Variants in ACADL observed in about 807,000 individuals in gnomAD.
The protein encoded by ACADL is acyl-CoA dehydrogenase long chain, also known as long-chain specific acyl-CoA dehydrogenase, mitochondrial.
ACADL carries 60 observed loss-of-function variants against 56.9 expected under a neutral mutation model. The observed-to-expected ratio is 1.05, with a 90% CI of 0.86 to 1.31. ACADL has a LOEUF of 1.31. ACADL is among the 50% of genes most tolerant of loss of function. The probability of loss-of-function intolerance (pLI) is 0.00; values close to 1 mark genes in which losing one functional copy is unlikely to be tolerated. For missense variants in ACADL, 484 were observed against 525.5 expected, an observed-to-expected ratio of 0.92 and a Z score of 0.77; for synonymous variants, 158 against 179.7, an observed-to-expected ratio of 0.88 and a Z score of 0.97.
chr2:210,196,266 T>C (rs902293896), intron 8 of ACADL, among the ~76,000 whole-genome samples: 3 of 145,486 alleles, frequency 2.1e-5, no homozygotes, highest in East Asian at 2.0e-4. Context: ...TAAACCTCTT[T>C]TTTTTTTTTT....
At chr2:210,189,756 T>G (rs1688602290) in intron 10 of ACADL, among the ~76,000 whole-genome samples, 1 of 152,184 alleles carries the variant, frequency 6.6e-6, no homozygotes, top group Admixed American at 6.5e-5. Context: ...CATCTCATTT[T>G]ATCCTCTCAG....
chr2:210,221,811 CT>C (rs1689179660), intron 1 of ACADL, among the ~76,000 whole-genome samples: 1 of 151,592 alleles, frequency 6.6e-6, no homozygotes, highest in African/African-American at 2.4e-5. Context: ...TCACTGCAAC[CT>C]TCGCCTTCCC....
intron 8 of ACADL, among the ~76,000 whole-genome samples, chr2:210,202,020 C>G (rs574064339): frequency 6.6e-6 from 1 of 152,262 alleles, no homozygotes; most frequent in South Asian, 2.1e-4. Flanking sequence ...CTCCCTCACC[C>G]TTCTGCAACA....
intron 8 of ACADL, 45 bp downstream of exon 8, chr2:210,203,286 A>C (rs756155423): frequency 6.0e-6 from 8 of 1,330,794 alleles, no homozygotes; most frequent in Non-Finnish European, 8.6e-6. Context: ...ATTTCAGATT[A>C]GTAAACTGAT....
At chr2:210,195,541 T>C (rs2125709412) in intron 8 of ACADL, among the ~76,000 whole-genome samples, 1 of 152,300 alleles carries the variant, frequency 6.6e-6, no homozygotes, top group East Asian at 1.9e-4. Context: ...CTAAGGAAAT[T>C]TGTACTAAAA....
intron 5 of ACADL, among the ~76,000 whole-genome samples, chr2:210,206,013 C>A (rs1688882680): frequency 6.6e-6 from 1 of 151,990 alleles, no homozygotes; most frequent in African/African-American, 2.4e-5. Context: ...AGAATGAAAC[C>A]TATAGATTTT....
At chr2:210,210,156 A>G in intron 5 of ACADL, 40 bp downstream of exon 5, 1 of 1,427,950 alleles carries the variant, frequency 7.0e-7, no homozygotes, top group African/African-American at 1.4e-5. Context: ...CCATGGCATG[A>G]CTCTGAAAAG....
intron 4 of ACADL, among the ~76,000 whole-genome samples, chr2:210,211,612 C>A (rs537664898): frequency 6.6e-6 from 1 of 152,200 alleles, no homozygotes; most frequent in South Asian, 2.1e-4. Flanking sequence ...TCTCTTCCTC[C>A]TTCTCTGGCC....
intron 1 of ACADL, 115 bp downstream of exon 1, chr2:210,225,072 G>T: frequency 6.6e-7 from 1 of 1,508,282 alleles, no homozygotes; most frequent in Non-Finnish European, 8.8e-7. Context: ...CGGAGTTGGG[G>T]AGCACTCCCA....
At chr2:210,218,254 C>G in intron 2 of ACADL, 152 bp from the exon 3 acceptor site, 1 of 460,686 alleles carries the variant, frequency 2.2e-6, no homozygotes, top group South Asian at 3.1e-5. Context: ...GCCTCTGACT[C>G]TTTTATCACT....
At chr2:210,218,449 T>TA (rs1030166524) in intron 2 of ACADL, 31 of 245,898 alleles carry the variant, frequency 1.3e-4, no homozygotes, top group Middle Eastern at 1.7e-3. Context: ...CCAGGCTAAT[T>TA]AAAAAAAAAT....
intron 1 of ACADL, among the ~76,000 whole-genome samples, chr2:210,223,685 T>A (rs527984943): frequency 6.6e-6 from 1 of 152,352 alleles, no homozygotes; most frequent in South Asian, 2.1e-4. Flanking sequence ...GTTATCTGGT[T>A]ATCTTCTATT....
At position 210,188,935 on chromosome 2, in the gene ACADL, T is replaced by A; in HGVS notation, c.*26A>T. The A allele has an allele frequency of 6.6e-7, 1 of 1,524,810 alleles. No individual in the cohort carries two copies. Among genetic ancestry groups the A allele is most frequent in the Non-Finnish European group, 9.1e-7 (1 of 1,098,778 alleles). The allele number at this position is 1,524,810 out of a possible 1,614,324, so 94.5% of individuals were successfully genotyped here. A position where few individuals can be genotyped will look rare whatever the true frequency, so the allele number is the denominator to read the frequency against. On this transcript the variant is annotated 3_prime_UTR_variant, in exon 11 of 11. Coordinates refer to ENST00000233710, the MANE Select transcript of ACADL (RefSeq NM_001608.4). ...AGATTTAAAACGAGATTAGCTGTAA[T>A]AGGACTCCAGGATGTGGGCAGATGT...
intron 5 of ACADL, 82 bp downstream of exon 5, chr2:210,210,114 G>A: frequency 2.8e-6 from 3 of 1,066,740 alleles, no homozygotes; most frequent in Non-Finnish European, 4.4e-6. Flanking sequence ...AGATTTAATA[G>A]AATTAATGAG....
chr2:210,195,238 G>A lies in ACADL; in HGVS notation c.1085C>T (p.Ser362Phe). 1 of 1,613,838 alleles carries A rather than the reference G, an allele frequency of 6.2e-7. No homozygotes were observed. Among genetic ancestry groups the A allele is most frequent in the Non-Finnish European group, 8.5e-7 (1 of 1,179,900 alleles). Residue 362 changes from serine to phenylalanine, a missense_variant, in exon 9 of 11, where the codon TCC (serine) becomes TTC (phenylalanine). Physicochemically the swap from Ser to Phe is radical, Grantham distance 155. Transcript: ENST00000233710. ...ATATTTCGCCATGCAAGCAGTGGCG[G>A]AGTCCAAACGTTTCGCTTCATGCAG... Reference protein sequence around the residue: ...LQLHEAKRLDSATACMAKYWA... With the variant: ...LQLHEAKRLDFATACMAKYWA...
At chr2:210,225,111 C>T in intron 1 of ACADL, 76 bp downstream of exon 1, 2 of 1,524,828 alleles carry the variant, frequency 1.3e-6, no homozygotes, top group Admixed American at 2.0e-5. Context: ...TGCTTCAAGC[C>T]AGCGACAGGA....
At chr2:210,213,174 G>A (rs550610318) in intron 4 of ACADL, among the ~76,000 whole-genome samples, 7 of 152,164 alleles carry the variant, frequency 4.6e-5, no homozygotes, top group South Asian at 4.1e-4. Flanking sequence ...ATAAAGTATC[G>A]GTAACTAATG....
At chr2:210,212,558 G>C (rs1689004155) in intron 4 of ACADL, among the ~76,000 whole-genome samples, 1 of 152,162 alleles carries the variant, frequency 6.6e-6, no homozygotes, top group African/African-American at 2.4e-5. Flanking sequence ...CTTCAGAACT[G>C]TAAGAGAATA....
At chr2:210,206,560 C>A (rs1313240396) in intron 5 of ACADL, among the ~76,000 whole-genome samples, 1 of 152,020 alleles carries the variant, frequency 6.6e-6, no homozygotes, top group East Asian at 1.9e-4. Flanking sequence ...TAATTGATAT[C>A]CTGCTTCCTT....
Sources: gnomAD v4.1 joint callset for allele counts (sites outside exome capture counted in the v4.1 genomes callset) on GRCh38, gnomAD v4.1.1 for gene constraint, MANE v1.5 for transcripts, NCBI Gene and HGNC (gene_info 2026-07-23, HGNC 2026-07-21) for gene names.